KEL: variants seen among roughly 807,000 people sequenced by gnomAD.
KEL encodes the protein kell blood group glycoprotein.
A neutral mutation model predicts 99.5 loss-of-function variants in KEL; 96 were observed. The ratio of observed to expected loss-of-function variants is 0.97; its 90% CI spans 0.82 to 1.14. The LOEUF is 1.14. KEL is among the 50% of genes most tolerant of loss of function. The pLI, the probability that KEL is intolerant of heterozygous loss-of-function variation, is 0.00. For missense variants in KEL, 926 were observed against 924.2 expected, an observed-to-expected ratio of 1.00 and a Z score of -0.03; for synonymous variants, 355 against 354.8, an observed-to-expected ratio of 1.00 and a Z score of -0.01.
Position 142,944,667 on chromosome 7 carries a change from C to G in KEL, c.1389G>C (p.Glu463Asp), listed in dbSNP as rs755373723. 1.9e-5 allele frequency: 31 copies of G among 1,613,968 alleles called. No individual in the cohort carries two copies. The highest frequency in any genetic ancestry group is 2.6e-5 in the Non-Finnish European group (31 of 1,179,944). The change falls in exon 12 of 19, where the codon GAG becomes GAC. Residue 463 changes from glutamate (E) to aspartate (D), a missense_variant. Coordinates refer to ENST00000355265, the MANE Select transcript of KEL (RefSeq NM_000420.3). ...CCTTGTCCTGGGCCATGTTCTGGGT[C>G]TCCTCATTCATCCAGGGAAGGTTTC... ...RLRNLPWMNE[E>D]TQNMAQDKVA...
At position 142,958,039 on chromosome 7, in the gene KEL, G is replaced by A. The variant is rs557143324; in HGVS notation, c.526-66C>T. 3.9e-5 allele frequency: 62 copies of A among 1,571,656 alleles called. 1 individual carries two copies. In the South Asian group the frequency reaches 5.4e-4, roughly 14 times the overall value. On this transcript the variant is annotated intron_variant, in intron 5 of 18. Coordinates refer to ENST00000355265, the MANE Select transcript of KEL (RefSeq NM_000420.3). ...GAGCCCATCCCCCATTGTCTGGATC[G>A]GCTCTTACACAGCTGCTACTGCCTG...
Position 142,961,519 on chromosome 7 carries a change from A to AG in KEL, c.82-19dup. ...GGAGTGCTCTGTGGGAGGAACCAAG[A>AG]GGTGAAAGATACAAGATGGGGGTTG... On this transcript the variant is annotated intron_variant, in intron 2 of 18. Coordinates refer to ENST00000355265, the MANE Select transcript of KEL (RefSeq NM_000420.3). 6.3e-7 allele frequency: 1 copy of AG among 1,581,478 alleles called. No individual in the cohort carries two copies. The highest frequency in any genetic ancestry group is 8.6e-7 in the Non-Finnish European group (1 of 1,163,100).
Position 142,946,475 on chromosome 7 carries a change from G to A in KEL, c.1204-158C>T, listed in dbSNP as rs1297031420. 18 of 675,470 alleles carry A rather than the reference G, an allele frequency of 2.7e-5. 1 individual carries two copies. The highest frequency in any genetic ancestry group is 5.3e-5 in the African/African-American group (3 of 56,470). The allele number at this position is 675,470 out of a possible 1,614,324, so 41.8% of individuals were successfully genotyped here. A position where few individuals can be genotyped will look rare whatever the true frequency, so the allele number is the denominator to read the frequency against. On this transcript the variant is annotated intron_variant, in intron 10 of 18. Coordinates refer to ENST00000355265, the MANE Select transcript of KEL (RefSeq NM_000420.3). ...ATCCCTTAGGGTGATGCACATCACC[G>A]ATCAGTACAAGAAAAGCACAGCTTC... is the stretch of plus-strand genomic sequence containing the variant.
intron 10 of KEL, 123 bp downstream of exon 10, chr7:142,952,386 A>G: frequency 7.7e-7 from 1 of 1,299,612 alleles, no homozygotes; most frequent in East Asian, 2.3e-5. Context: ...TGGAAAGCCA[A>G]GACATGGAGG....
chr7:142,947,620 G>T (rs978508107), intron 10 of KEL, among the ~76,000 whole-genome samples: 3 of 152,004 alleles, frequency 2.0e-5, no homozygotes, highest in Non-Finnish European at 4.4e-5. Context: ...GTGCAATCTC[G>T]GCTCACTGCA....
chr7:142,959,054 A>G lies in KEL; in HGVS notation c.401-626T>C, dbSNP rs1364689379. On this transcript the variant is annotated intron_variant, in intron 4 of 18. Transcript: ENST00000355265. ...TGTCTCATGACTCTCTAAAATGTATAAAACCAAGCTGTGCCCCAGCCACCT... is the reference window on the plus strand; with the variant it reads ...TGTCTCATGACTCTCTAAAATGTATGAAACCAAGCTGTGCCCCAGCCACCT... Among the ~76,000 whole-genome samples the G allele has an allele frequency of 7.9e-5, 12 of 152,326 alleles. No individual in the cohort carries two copies. In the East Asian group the frequency reaches 2.3e-3, roughly 29 times the overall value.
At chr7:142,942,144 T>G in intron 18 of KEL, 2 of 495,366 alleles carry the variant, frequency 4.0e-6, no homozygotes, top group Non-Finnish European at 3.6e-6. Flanking sequence ...ATTTTGGGGG[T>G]ATGAGAGGAA....
chr7:142,961,659 G>T, intron 2 of KEL, 136 bp downstream of exon 2: 1 of 1,287,498 alleles, frequency 7.8e-7, no homozygotes, highest in Admixed American at 1.7e-5. Flanking sequence ...TAACTCCTGG[G>T]AGATGAGAAA....
At chr7:142,943,990 C>G (rs1586248833) in intron 13 of KEL, 107 bp from the exon 14 acceptor site, 3 of 877,906 alleles carry the variant, frequency 3.4e-6, no homozygotes, top group South Asian at 2.8e-5. Context: ...CCCTGACAGG[C>G]AGGCATCCAG....
chr7:142,960,081 T>C (rs1192723050), intron 4 of KEL, among the ~76,000 whole-genome samples: 1 of 152,220 alleles, frequency 6.6e-6, no homozygotes, highest in Non-Finnish European at 1.5e-5. Context: ...CCTTCTGGTT[T>C]TCCTCTCAGT....
intron 13 of KEL, 50 bp downstream of exon 13, chr7:142,944,273 G>A (rs1174786621): frequency 7.1e-7 from 1 of 1,403,984 alleles, no homozygotes; most frequent in East Asian, 2.3e-5. Context: ...GGTCAGAGAA[G>A]TGACGAGAAG....
chr7:142,941,520 A>G (rs879380511), intron 18 of KEL, 107 bp from the exon 19 acceptor site: 14 of 1,071,496 alleles, frequency 1.3e-5, no homozygotes, highest in Non-Finnish European at 1.9e-5. Context: ...CCAGGGGATC[A>G]AGTGCCCCAA....
At chr7:142,961,235 G>A in intron 3 of KEL, 125 bp downstream of exon 3, 1 of 1,513,402 alleles carries the variant, frequency 6.6e-7, no homozygotes, top group Non-Finnish European at 9.2e-7. Flanking sequence ...AGGATGCAGG[G>A]AGGAAGAAGA....
rs755186096 is a variant in KEL at position 142,943,340 on chromosome 7, G to A, written c.1707C>T (p.Ala569=). The A allele has an allele frequency of 1.9e-5, 30 of 1,613,968 alleles. No homozygotes were observed. The highest frequency in any genetic ancestry group is 1.7e-4 in the Admixed American group (10 of 59,990). ...PPFFHPGYPR[A]VNFGAAGSIM... ...TGCTGCCAGCAGCGCCAAAGTTCAC[G>A]GCTCTAGGGAGACAAGGGCTTATTT... Residue 569 remains alanine (A), a synonymous_variant, in exon 16 of 19, where the codon GCC becomes GCT. Coordinates refer to ENST00000355265, the MANE Select transcript of KEL (RefSeq NM_000420.3).
rs754171707 is a variant in KEL at position 142,960,917 on chromosome 7, G to A, written c.400+11C>T. ...ACTTGCACAGAGCATCTTCCACCCT[G>A]CTTTCCTCACCCAGTATTCTCCGAA... On this transcript the variant is annotated intron_variant, in intron 4 of 18. Transcript: ENST00000355265. 1.9e-6 allele frequency: 3 copies of A among 1,613,782 alleles called. No individual in the cohort carries two copies. The South Asian group carries it at 3.3e-5, about 18-fold the overall frequency.
In KEL at chr7:142,962,286, C is replaced by A. The variant is rs1405045144; in HGVS notation, c.-80G>T. ...TCGGAGGACTGGGGTCCAGGAAACA[C>A]CCCCCGCCCCAGTTCCTTGATCCTG... is the stretch of plus-strand genomic sequence containing the variant. On this transcript the variant is annotated 5_prime_UTR_variant, in exon 1 of 19. Transcript: ENST00000355265. The A allele has an allele frequency of 1.3e-5, 19 of 1,503,780 alleles. No homozygotes were observed. Among genetic ancestry groups the A allele is most frequent in the Admixed American group, 1.7e-5 (1 of 59,876 alleles). 93.2% of individuals were successfully genotyped at this position (1,503,780 alleles called of 1,614,324 possible).
At position 142,944,641 on chromosome 7, in the gene KEL, A is replaced by G; in HGVS notation, c.1413+2T>C. ...CACACCAGCCAGGACGCCTGGCCTG[A>G]CCTTGTCCTGGGCCATGTTCTGGGT... On this transcript the variant is annotated splice_donor_variant, in intron 12 of 18. Transcript: ENST00000355265. LOFTEE classifies it high-confidence loss of function. 1 of 1,611,868 alleles carries G rather than the reference A, an allele frequency of 6.2e-7. No individual in the cohort carries two copies. Among genetic ancestry groups the G allele is most frequent in the Non-Finnish European group, 8.5e-7 (1 of 1,177,966 alleles).
chr7:142,960,723 C>G (rs557571845), intron 4 of KEL, among the ~76,000 whole-genome samples: 3 of 152,300 alleles, frequency 2.0e-5, no homozygotes, highest in East Asian at 3.9e-4. Flanking sequence ...CAACAGGAAA[C>G]AGTGAGAGAT....
At chr7:142,955,611 T>A (rs1361857110) in intron 6 of KEL, among the ~76,000 whole-genome samples, 6 of 152,232 alleles carry the variant, frequency 3.9e-5, no homozygotes, top group African/African-American at 1.4e-4. Flanking sequence ...ACCATGTATA[T>A]TTCACCTTAG....
Sources: allele counts gnomAD v4.1 joint callset (sites outside exome capture counted in the v4.1 genomes callset), GRCh38; gene constraint gnomAD v4.1.1; transcripts MANE v1.5; gene names NCBI Gene and HGNC (gene_info 2026-07-23, HGNC 2026-07-21).